DMD: variants seen among roughly 807,000 people sequenced by gnomAD.
DMD encodes mutant dystrophin.
In DMD, 63 loss-of-function variants were observed where a neutral mutation model predicts 330.1. That is an observed-to-expected ratio of 0.19 (90% CI 0.16 to 0.24). DMD has a LOEUF of 0.24. Among genes scored for constraint, DMD ranks in the 10% least tolerant of loss-of-function variants. The probability of loss-of-function intolerance (pLI) is 1.00; values close to 1 mark genes in which losing one functional copy is unlikely to be tolerated. For missense variants in DMD, 3,344 were observed against 2,684.1 expected, an observed-to-expected ratio of 1.25 and a Z score of -5.43; for synonymous variants, 1,223 against 959.8, an observed-to-expected ratio of 1.27 and a Z score of -5.07.
intron 2 of DMD, among the ~76,000 whole-genome samples, chrX:32,933,796 T>C (rs1382302860): frequency 9.0e-6 from 1 of 111,700 alleles, no homozygotes; most frequent in Non-Finnish European, 1.9e-5. Context: ...CATTACAGAC[T>C]AAATACCCCC....
chrX:32,119,583 A>C (rs980194409), intron 44 of DMD, among the ~76,000 whole-genome samples: 1 of 110,801 alleles, frequency 9.0e-6, no homozygotes, highest in Non-Finnish European at 1.9e-5. Context: ...GATGAACACA[A>C]TGCCCATATA....
intron 21 of DMD, among the ~76,000 whole-genome samples, chrX:32,473,337 AAGAT>A (rs1252230136): frequency 9.0e-6 from 1 of 111,600 alleles, no homozygotes; most frequent in Non-Finnish European, 1.9e-5. Flanking sequence ...GAGACACAAA[AAGAT>A]AGAGAACACA....
chrX:33,025,612 G>T (rs1323309064), intron 1 of DMD, among the ~76,000 whole-genome samples: 1 of 112,026 alleles, frequency 8.9e-6, no homozygotes, highest in Non-Finnish European at 1.9e-5. Flanking sequence ...GAGTGCATTG[G>T]AACCATCACA....
intron 55 of DMD, among the ~76,000 whole-genome samples, chrX:31,576,682 T>C (rs753275400): frequency 9.0e-6 from 1 of 111,461 alleles, no homozygotes; most frequent in Non-Finnish European, 1.9e-5. Context: ...TTTACAATTA[T>C]AGGTCCTTTA....
intron 44 of DMD, among the ~76,000 whole-genome samples, chrX:31,991,933 G>A (rs1377202389): frequency 8.9e-6 from 1 of 111,766 alleles, no homozygotes; most frequent in East Asian, 2.8e-4. Flanking sequence ...TAAAGATACG[G>A]CAGTGAGCTC....
Position 32,472,143 on chromosome X carries a change from G to A in DMD, c.2949+21C>T, listed in dbSNP as rs747881107. On this transcript the variant is annotated intron_variant, in intron 22 of 78. Coordinates refer to ENST00000357033, the MANE Select transcript of DMD (RefSeq NM_004006.3). The stretch of plus-strand genomic sequence containing the variant: ...CTTGATAAGCGTGCTTTATTGTTTT[G>A]ACATTCAAATATTCACAGACCTGCA... The A allele has an allele frequency of 2.5e-5, 30 of 1,205,257 alleles. No individual in the cohort carries two copies. In the African/African-American group the frequency reaches 3.3e-4, roughly 13 times the overall value.
intron 7 of DMD, among the ~76,000 whole-genome samples, chrX:32,808,609 T>G (rs1051533782): frequency 9.0e-6 from 1 of 111,506 alleles, no homozygotes; most frequent in Non-Finnish European, 1.9e-5. Flanking sequence ...GGACCTACCA[T>G]CCATATTGAA....
chrX:31,182,356 C>G (rs2041244157), intron 68 of DMD, among the ~76,000 whole-genome samples: 1 of 112,007 alleles, frequency 8.9e-6, no homozygotes, highest in South Asian at 3.8e-4. Context: ...ATAACTGATT[C>G]TTGGGAAGTT....
intron 2 of DMD, among the ~76,000 whole-genome samples, chrX:32,864,791 A>G (rs1173258334): frequency 8.9e-6 from 1 of 111,981 alleles, no homozygotes; most frequent in East Asian, 2.8e-4. Context: ...GGCTTTTTAT[A>G]TTAACTAAAG....
chrX:32,097,298 T>C (rs1210938527), intron 44 of DMD, among the ~76,000 whole-genome samples: 1 of 110,690 alleles, frequency 9.0e-6, no homozygotes, highest in African/African-American at 3.3e-5. Flanking sequence ...CCCCTCCCGG[T>C]GTCCATGTGT....
rs749610367 is a variant in DMD at position 32,068,374 on chromosome X, A to ATT, written c.6439-99862_6439-99861dup. Among the ~76,000 whole-genome samples, 247 of 64,251 alleles carry ATT rather than the reference A, an allele frequency of 3.8e-3. 3 individuals carry two copies. Among genetic ancestry groups the ATT allele is most frequent in the East Asian group, 8.5e-3 (16 of 1,888 alleles). The allele number at this position is 64,251 out of a possible 115,157, so 55.8% of individuals were successfully genotyped here. A position where few individuals can be genotyped will look rare whatever the true frequency, so the allele number is the denominator to read the frequency against. On this transcript the variant is annotated intron_variant, in intron 44 of 78. Coordinates refer to ENST00000357033, the MANE Select transcript of DMD (RefSeq NM_004006.3). ...TTATTTTAGTAAGTCCTTGCTTGTC[A>ATT]TTTTTTTTTTTTTTTTTTTTTTGCA...
intron 77 of DMD, among the ~76,000 whole-genome samples, chrX:31,132,392 G>A (rs988464308): frequency 3.6e-5 from 4 of 111,868 alleles, no homozygotes; most frequent in Non-Finnish European, 7.5e-5. Context: ...GGGTGGACCA[G>A]AAACTCAGGT....
intron 55 of DMD, among the ~76,000 whole-genome samples, chrX:31,541,540 C>T (rs1466729074): frequency 1.0e-5 from 1 of 98,364 alleles, no homozygotes; most frequent in East Asian, 3.4e-4. Context: ...ACCCTGTGTC[C>T]AAGTGTTCTC....
rs543105863 is a variant in DMD at position 32,932,358 on chromosome X, C to T, written c.94-82538G>A. ...TAAGCATATGTAATAAAAGTAATAGCGATGTGTGTCATATTATATATAGTT... is the reference window on the plus strand; with the variant it reads ...TAAGCATATGTAATAAAAGTAATAGTGATGTGTGTCATATTATATATAGTT... On this transcript the variant is annotated intron_variant, in intron 2 of 78. Coordinates refer to ENST00000357033, the MANE Select transcript of DMD (RefSeq NM_004006.3). Among the ~76,000 whole-genome samples the T allele has an allele frequency of 8.0e-5, 9 of 111,819 alleles. No individual in the cohort carries two copies. In the Middle Eastern group the frequency reaches 0.014, roughly 175 times the overall value.
chrX:31,811,753 G>A (rs7052105), intron 50 of DMD, among the ~76,000 whole-genome samples: 13,194 of 111,001 alleles, frequency 0.12, 574 homozygotes, highest in East Asian at 0.18. Flanking sequence ...ATCTGTTAAT[G>A]AGGAAGAAAA....
intron 19 of DMD, among the ~76,000 whole-genome samples, chrX:32,498,134 T>G (rs2148669672): frequency 9.0e-6 from 1 of 111,218 alleles, no homozygotes; most frequent in Admixed American, 9.6e-5. Flanking sequence ...AGCCTCTCAC[T>G]TGCCCTCATT....
chrX:32,701,289 C>G (rs2064108759), intron 7 of DMD, among the ~76,000 whole-genome samples: 1 of 112,024 alleles, frequency 8.9e-6, no homozygotes. Context: ...TTAGACATTT[C>G]AATGCACAAG....
At chrX:31,833,273 G>GGAGAGAGAGAGAGAGAGA (rs1248049970) in intron 49 of DMD, among the ~76,000 whole-genome samples, 12 of 49,839 alleles carry the variant, frequency 2.4e-4, no homozygotes, top group Non-Finnish European at 3.2e-4. Context: ...GGAGGAAGGG[G>GGAGAGAGAGAGAGAGAGA]GAGAGAGAGA....
intron 53 of DMD, among the ~76,000 whole-genome samples, chrX:31,671,706 A>G (rs1182467488): frequency 8.9e-6 from 1 of 111,811 alleles, no homozygotes; most frequent in East Asian, 2.8e-4. Context: ...GTTGTTCATA[A>G]TATCCTCTTT....
Sources: allele counts gnomAD v4.1 joint callset (sites outside exome capture counted in the v4.1 genomes callset), GRCh38; gene constraint gnomAD v4.1.1; transcripts MANE v1.5; gene names NCBI Gene and HGNC (gene_info 2026-07-23, HGNC 2026-07-21).